Variants in IQCK observed in about 807,000 individuals in gnomAD.
IQCK encodes IQ domain-containing protein K.
A neutral mutation model predicts 28.1 loss-of-function variants in IQCK; 29 were observed. The ratio of observed to expected loss-of-function variants is 1.03; its 90% CI spans 0.77 to 1.41. IQCK has a LOEUF of 1.41. IQCK is among the 40% of genes most tolerant of loss of function. The pLI is 0.00. For missense variants in IQCK, 359 were observed against 314.7 expected (o/e 1.14, Z -1.07); for synonymous variants, 113 against 115.1 (o/e 0.98, Z 0.12).
intron 4 of IQCK, among the ~76,000 whole-genome samples, chr16:19,736,636 TACA>T (rs1978023704): frequency 6.6e-6 from 1 of 152,156 alleles, no homozygotes; most frequent in Non-Finnish European, 1.5e-5. Flanking sequence ...AGAGTAAAAT[TACA>T]ACATTTATTA....
At chr16:19,751,640 C>G (rs1258604510) in intron 4 of IQCK, among the ~76,000 whole-genome samples, 2 of 151,918 alleles carry the variant, frequency 1.3e-5, no homozygotes, top group African/African-American at 4.8e-5. Context: ...TGGATCAGGA[C>G]AGGTGTGTCA....
chr16:19,733,760 C>T, exon 3 of IQCK: 1 of 1,614,142 alleles, frequency 6.2e-7, no homozygotes, highest in Non-Finnish European at 8.5e-7. Context: ...TTCCGGTTTC[C>T]CATTTCACCA....
chr16:19,821,705 AAAC>A (rs2056074030), intron 7 of IQCK, among the ~76,000 whole-genome samples: 2 of 152,244 alleles, frequency 1.3e-5, no homozygotes, highest in African/African-American at 4.8e-5. Context: ...ATAAATAAAT[AAAC>A]AAACAAAAAC....
Position 19,743,728 on chromosome 16 carries a change from A to G in IQCK, c.474+8278A>G, listed in dbSNP as rs531021565. 7.2e-5 allele frequency among the ~76,000 whole-genome samples: 11 copies of G among 152,314 alleles called. No individual in the cohort carries two copies. In the South Asian group the frequency reaches 2.3e-3, roughly 32 times the overall value. On this transcript the variant is annotated intron_variant, in intron 4 of 7. Transcript: ENST00000564186. Reference sequence around the variant, plus strand: ...AGTCTAAGAGTTTGACCACTGCTCCACTCTGATGGTCAGTCACACAGCTTG... The same window carrying G: ...AGTCTAAGAGTTTGACCACTGCTCCGCTCTGATGGTCAGTCACACAGCTTG...
chr16:19,813,890 C>T (rs11074411), intron 7 of IQCK, among the ~76,000 whole-genome samples: 1 of 151,986 alleles, frequency 6.6e-6, no homozygotes, highest in South Asian at 2.1e-4. Flanking sequence ...GTTTTTTACT[C>T]TAAGTAATTT....
intron 9 of IQCK, among the ~76,000 whole-genome samples, chr16:19,846,207 C>T (rs2056413874): frequency 1.3e-5 from 2 of 152,160 alleles, no homozygotes; most frequent in African/African-American, 4.8e-5. Flanking sequence ...GCTGAGGCTT[C>T]CAAGATGTTG....
rs188185388 is a variant in IQCK at position 19,738,885 on chromosome 16, T to G, written c.474+3435T>G. 4.7e-3 allele frequency among the ~76,000 whole-genome samples: 714 copies of G among 152,290 alleles called. 5 individuals carry two copies. The highest frequency in any genetic ancestry group is 0.017 in the African/African-American group (697 of 41,546). ...CCACAGTGATCTCGCAAGGAGGGTTTGTTTTATGGGTTCTCTCATGGGAAG... is the reference window on the plus strand; with the variant it reads ...CCACAGTGATCTCGCAAGGAGGGTTGGTTTTATGGGTTCTCTCATGGGAAG... On this transcript the variant is annotated intron_variant, in intron 4 of 7. Coordinates refer to ENST00000564186, the Ensembl canonical transcript of IQCK.
chr16:19,853,908 G>A (rs540484952), intron 9 of IQCK, among the ~76,000 whole-genome samples: 1 of 152,350 alleles, frequency 6.6e-6, no homozygotes, highest in Non-Finnish European at 1.5e-5. Flanking sequence ...GATTATAGGC[G>A]TGAGCCACTG....
intron 7 of IQCK, among the ~76,000 whole-genome samples, chr16:19,823,142 GGCTC>G (rs1192332402): frequency 3.9e-5 from 6 of 151,976 alleles, no homozygotes; most frequent in African/African-American, 1.4e-4. Context: ...CCCAGGCTTG[GGCTC>G]CCTCAAAGGA....
At chr16:19,813,860 CTTTTG>C (rs554455168) in intron 7 of IQCK, among the ~76,000 whole-genome samples, 211 of 152,076 alleles carry the variant, frequency 1.4e-3, no homozygotes, top group Non-Finnish European at 2.1e-3. Flanking sequence ...GCTGGACAGC[CTTTTG>C]TTTTGTTTTG....
intron 4 of IQCK, among the ~76,000 whole-genome samples, chr16:19,757,703 G>T (rs1372949782): frequency 4.6e-5 from 7 of 152,114 alleles, no homozygotes; most frequent in Admixed American, 4.6e-4. Context: ...TCTTTTAGAG[G>T]TCTGGGTCTT....
chr16:19,856,806 G>C (rs978683341), exon 10 of IQCK: 6 of 443,408 alleles, frequency 1.4e-5, no homozygotes, highest in South Asian at 6.3e-5. Flanking sequence ...AGTGCCTCAG[G>C]AGTATTCTTC....
chr16:19,730,668 A>G (rs1392043075), intron 2 of IQCK, among the ~76,000 whole-genome samples, 174 bp downstream of exon 2: 1 of 152,240 alleles, frequency 6.6e-6, no homozygotes, highest in East Asian at 1.9e-4. Context: ...AGTTTGACTT[A>G]GAGGGCATCA....
rs374898125 is a variant in IQCK, at chr16:19,847,595, C to T, written c.803-8892C>T. ...ACAGAATGAACTCCTTTGTGTCTGG[C>T]GTCTGTGTCTTCTGCTGAACATTAT... On this transcript the variant is annotated intron_variant, in intron 9 of 9. Coordinates refer to the IQCK transcript ENST00000320394. 1.5e-4 allele frequency among the ~76,000 whole-genome samples: 23 copies of T among 152,270 alleles called. No individual in the cohort carries two copies. The East Asian group carries it at 2.1e-3, about 14-fold the overall frequency.
chr16:19,786,312 G>A (rs1414512696), intron 6 of IQCK, among the ~76,000 whole-genome samples: 2 of 151,920 alleles, frequency 1.3e-5, no homozygotes, highest in Non-Finnish European at 2.9e-5. Flanking sequence ...CCAGTGCTTT[G>A]GGAGGCCGAG....
intron 4 of IQCK, among the ~76,000 whole-genome samples, chr16:19,763,117 A>G (rs190727844): frequency 6.6e-5 from 10 of 152,282 alleles, no homozygotes; most frequent in African/African-American, 2.4e-4. Flanking sequence ...TTGTATATGT[A>G]TTATATACTC....
chr16:19,754,599 C>T (rs1210750935), intron 4 of IQCK, among the ~76,000 whole-genome samples: 1 of 151,772 alleles, frequency 6.6e-6, no homozygotes, highest in Non-Finnish European at 1.5e-5. Context: ...TTTGCTACTA[C>T]GAATAATTCT....
chr16:19,827,229 G>A (rs1051097705), downstream of IQCK: 3 of 855,240 alleles, frequency 3.5e-6, no homozygotes, highest in East Asian at 5.2e-5. Flanking sequence ...GCTTTTGTAA[G>A]GTCCTTGTCT....
intron 9 of IQCK, among the ~76,000 whole-genome samples, chr16:19,855,587 A>C (rs959075336): frequency 2.0e-5 from 3 of 152,134 alleles, no homozygotes; most frequent in Non-Finnish European, 4.4e-5. Context: ...TCCCCAAAAA[A>C]ACAAAAAAGT....
Sources: gnomAD v4.1 joint callset for allele counts (sites outside exome capture counted in the v4.1 genomes callset) on GRCh38, gnomAD v4.1.1 for gene constraint, MANE v1.5 for transcripts, NCBI Gene and HGNC (gene_info 2026-07-23, HGNC 2026-07-21) for gene names.